Variants in CCDC163 observed in about 807,000 individuals in gnomAD.
The protein encoded by CCDC163 is CCDC163 homolog, also known as transmembrane protein CCDC163.
Under a neutral mutation model 8.2 loss-of-function variants are expected in CCDC163, and 13 were observed. That is an observed-to-expected ratio of 1.59 (90% CI 1.04 to 2.54). CCDC163 has a LOEUF of 2.54. CCDC163 is among the 30% of genes most tolerant of loss of function. The pLI is 0.00. For missense variants in CCDC163, 117 were observed against 78.6 expected (o/e 1.49, Z -1.85); for synonymous variants, 41 against 30.9 (o/e 1.33, Z -1.08).
intron 2 of CCDC163, among the ~76,000 whole-genome samples, chr1:45,497,713 GGT>G (rs1643370158): frequency 1.9e-5 from 1 of 52,346 alleles, no homozygotes; most frequent in Non-Finnish European, 3.7e-5. Flanking sequence ...AGGTGGAGGG[GGT>G]CAGCCCCCCG....
At position 45,496,726 on chromosome 1, in the gene CCDC163, T is replaced by C. The variant is rs1250346781; in HGVS notation, c.263-103A>G. The C allele has an allele frequency of 4.5e-6, 3 of 672,418 alleles. No individual in the cohort carries two copies. In the African/African-American group the frequency reaches 5.3e-5, roughly 12 times the overall value. 41.7% of individuals were successfully genotyped at this position (672,418 alleles called of 1,614,324 possible). On this transcript the variant is annotated intron_variant, in intron 3 of 4. Transcript: ENST00000629482. ...GCCAAAAACTGAGACAGAAACATTC[T>C]GGCTCAGCCATTGGGACGCTTCCAA...
intron 4 of CCDC163, chr1:45,495,577 A>C: frequency 2.9e-6 from 2 of 701,394 alleles, no homozygotes; most frequent in Non-Finnish European, 5.2e-6. Flanking sequence ...GAAACAGAGA[A>C]GATAATGATG....
In CCDC163 at chr1:45,494,456, C is replaced by T. The variant is rs1250849769; in HGVS notation, c.*603G>A. The T allele has an allele frequency of 6.8e-6, 1 of 146,092 alleles. No homozygotes were observed. Among genetic ancestry groups the T allele is most frequent in the Non-Finnish European group, 1.5e-5 (1 of 67,998 alleles). 9.0% of individuals were successfully genotyped at this position (146,092 alleles called of 1,614,324 possible). A position where few individuals can be genotyped will look rare whatever the true frequency, so the allele number is the denominator to read the frequency against. Reference sequence around the variant, plus strand: ...TCCAGCCTGGGCAACTGAGTAAGACCTTGCCTCAAAAAAAAAAAAAAAAAA... The same window carrying T: ...TCCAGCCTGGGCAACTGAGTAAGACTTTGCCTCAAAAAAAAAAAAAAAAAA... On this transcript the variant is annotated 3_prime_UTR_variant, in exon 5 of 5. Transcript: ENST00000629482.
chr1:45,496,737 T>C (rs11211124), intron 3 of CCDC163, 114 bp from the exon 4 acceptor site: 151,920 of 656,738 alleles, frequency 0.23, 18,219 homozygotes, highest in East Asian at 0.33. Context: ...GGCTCAGCCA[T>C]TGGGACGCTT....
intron 3 of CCDC163, 31 bp downstream of exon 3, chr1:45,497,268 G>A (rs748117586): frequency 5.2e-6 from 4 of 768,854 alleles, no homozygotes; most frequent in Middle Eastern, 2.3e-4. Flanking sequence ...ACAAGGAAAC[G>A]CATATTCGCC....
Position 45,499,392 on chromosome 1 carries a change from A to G in CCDC163, c.130T>C (p.Cys44Arg), listed in dbSNP as rs749314660. The change falls in exon 2 of 5, where the codon TGT becomes CGT. Residue 44 changes from cysteine to arginine, a missense_variant. Transcript: ENST00000629482. ...ATACAGCCACTGCTACAGAAGAAAC[A>G]GATGCACAGGCCAATGAGCTCTGTG... ...VSTELIGLCI[C>R]FFCSSGCIFL... 3.9e-6 allele frequency: 3 copies of G among 772,684 alleles called. No homozygotes were observed. The African/African-American group carries it at 5.1e-5, about 13-fold the overall frequency. 47.9% of individuals were successfully genotyped at this position (772,684 alleles called of 1,614,324 possible).
rs549081309 is a variant in CCDC163, at chr1:45,496,717, G to C, written c.263-94C>G. 22 of 682,020 alleles carry C rather than the reference G, an allele frequency of 3.2e-5. No homozygotes were observed. In the South Asian group the frequency reaches 3.6e-4, roughly 11 times the overall value. The allele number at this position is 682,020 out of a possible 1,614,324, so 42.2% of individuals were successfully genotyped here. On this transcript the variant is annotated intron_variant, in intron 3 of 4. Transcript: ENST00000629482. ...CAGCCTGCTGCCAAAAACTGAGACA[G>C]AAACATTCTGGCTCAGCCATTGGGA...
In CCDC163 at chr1:45,494,908, G is replaced by C; in HGVS notation, c.*151C>G. 2 of 625,086 alleles carry C rather than the reference G, an allele frequency of 3.2e-6. No individual in the cohort carries two copies. Among genetic ancestry groups the C allele is most frequent in the Non-Finnish European group, 5.8e-6 (2 of 346,994 alleles). 38.7% of individuals were successfully genotyped at this position (625,086 alleles called of 1,614,324 possible). A position where few individuals can be genotyped will look rare whatever the true frequency, so the allele number is the denominator to read the frequency against. ...GCAGTGAGCTGAGATGGGGGGCAAG[G>C]ATGGGCAGGCAGTGAAAAGCCTCAG... On this transcript the variant is annotated 3_prime_UTR_variant, in exon 5 of 5. Transcript: ENST00000629482.
At chr1:45,497,425 G>C (rs374826534) in intron 2 of CCDC163, 42 bp from the exon 3 acceptor site, 1 of 767,524 alleles carries the variant, frequency 1.3e-6, no homozygotes, top group Non-Finnish European at 2.4e-6. Context: ...GGCAAGTAGA[G>C]TATCTAGGGT....
At chr1:45,497,056 C>T (rs1654216862) in intron 3 of CCDC163, among the ~76,000 whole-genome samples, 1 of 152,022 alleles carries the variant, frequency 6.6e-6, no homozygotes, top group African/African-American at 2.4e-5. Flanking sequence ...ACCTGTAATC[C>T]CAGCTACTCA....
At position 45,497,316 on chromosome 1, in the gene CCDC163, A is replaced by T; in HGVS notation, c.245T>A (p.Leu82Ter). The T allele has an allele frequency of 1.3e-6, 1 of 780,054 alleles. No homozygotes were observed. The allele number at this position is 780,054 out of a possible 1,614,324, so 48.3% of individuals were successfully genotyped here. ...ESEIMQKELK[L>*]LQYQLSQHQE... ...TTACTTACTCAACTGGTACTGCAGCAACTTCAATTCCTTCTGCATAATCTC... is the reference window on the plus strand; with the variant it reads ...TTACTTACTCAACTGGTACTGCAGCTACTTCAATTCCTTCTGCATAATCTC... Residue 82 changes from leucine to a stop codon, truncating the protein, a stop_gained, in exon 3 of 5, where the codon TTG (leucine) becomes TAG (stop). Coordinates refer to ENST00000629482, the MANE Select transcript of CCDC163 (RefSeq NM_001102601.3). LOFTEE classifies it high-confidence loss of function.
At position 45,497,384 on chromosome 1, in the gene CCDC163, C is replaced by G. The variant is rs769735535; in HGVS notation, c.178-1G>C. The G allele has an allele frequency of 6.4e-6, 5 of 778,432 alleles. No homozygotes were observed. In the South Asian group the frequency reaches 6.7e-5, roughly 10 times the overall value. 48.2% of individuals were successfully genotyped at this position (778,432 alleles called of 1,614,324 possible). On this transcript the variant is annotated splice_acceptor_variant, in intron 2 of 4. Coordinates refer to ENST00000629482, the MANE Select transcript of CCDC163 (RefSeq NM_001102601.3). LOFTEE classifies it high-confidence loss of function. The stretch of plus-strand genomic sequence containing the variant: ...CTGCAGGAGTGACAGCAGTGCTATT[C>G]TAAAGTCAATCAACAAATCCAGAGT...
intron 4 of CCDC163, chr1:45,495,653 CTCTTTTTTTT>C: frequency 1.7e-6 from 1 of 572,778 alleles, no homozygotes. Context: ...GGTCTCCTCC[CTCTTTTTTTT>C]TTTTTTTTTT....
In CCDC163 at chr1:45,494,002, A is replaced by C. The variant is rs1226577353; in HGVS notation, c.*1057T>G. Reference sequence around the variant, plus strand: ...ACATATTTACTAGGTCACAATGTAAATTGTATTTCTTACTGGAAGTCACAG... The same window carrying C: ...ACATATTTACTAGGTCACAATGTAACTTGTATTTCTTACTGGAAGTCACAG... On this transcript the variant is annotated 3_prime_UTR_variant, in exon 5 of 5. Coordinates refer to ENST00000629482, the MANE Select transcript of CCDC163 (RefSeq NM_001102601.3). 1 of 152,218 alleles carries C rather than the reference A, an allele frequency of 6.6e-6. No homozygotes were observed. The highest frequency in any genetic ancestry group is 1.5e-5 in the Non-Finnish European group (1 of 68,030). The allele number at this position is 152,218 out of a possible 1,614,324, so 9.4% of individuals were successfully genotyped here. A position where few individuals can be genotyped will look rare whatever the true frequency, so the allele number is the denominator to read the frequency against.
intron 4 of CCDC163, among the ~76,000 whole-genome samples, chr1:45,495,833 AT>A (rs945550197): frequency 6.6e-6 from 1 of 151,840 alleles, no homozygotes; most frequent in African/African-American, 2.4e-5. Flanking sequence ...TGCCCGGCTA[AT>A]TTTTGTAGAG....
At chr1:45,499,318 T>C in intron 2 of CCDC163, 27 bp downstream of exon 2, 1 of 756,718 alleles carries the variant, frequency 1.3e-6, no homozygotes, top group South Asian at 1.4e-5. Context: ...GAGAAAGGGC[T>C]TGGAAGTAGA....
chr1:45,497,471 G>A, intron 2 of CCDC163, 88 bp from the exon 3 acceptor site: 1 of 667,912 alleles, frequency 1.5e-6, no homozygotes, highest in South Asian at 1.6e-5. Context: ...TCCCCAACTT[G>A]TCCCACTACA....
intron 2 of CCDC163, 51 bp from the exon 3 acceptor site, chr1:45,497,434 G>C (rs531702092): frequency 1.3e-6 from 1 of 760,706 alleles, no homozygotes; most frequent in African/African-American, 1.7e-5. Flanking sequence ...AGTATCTAGG[G>C]TCTTGTGAAA....
At position 45,495,185 on chromosome 1, in the gene CCDC163, G is replaced by A; in HGVS notation, c.331-19C>T. 1.3e-6 allele frequency: 1 copy of A among 780,826 alleles called. No individual in the cohort carries two copies. The allele number at this position is 780,826 out of a possible 1,614,324, so 48.4% of individuals were successfully genotyped here. On this transcript the variant is annotated intron_variant, in intron 4 of 4. Coordinates refer to ENST00000629482, the MANE Select transcript of CCDC163 (RefSeq NM_001102601.3). ...TGGGGATCTAAGAGGAAAGAAAAGGGAAGAGAAAACAAGTCATCAGCAAGC... is the reference window on the plus strand; with the variant it reads ...TGGGGATCTAAGAGGAAAGAAAAGGAAAGAGAAAACAAGTCATCAGCAAGC...
Sources: allele counts gnomAD v4.1 joint callset (sites outside exome capture counted in the v4.1 genomes callset), GRCh38; gene constraint gnomAD v4.1.1; transcripts MANE v1.5; gene names NCBI Gene and HGNC (gene_info 2026-07-23, HGNC 2026-07-21).